Variants in KAT14 observed in about 807,000 individuals in gnomAD.
KAT14 encodes the protein cysteine-rich protein 2-binding protein.
A neutral mutation model predicts 78.4 loss-of-function variants in KAT14; 66 were observed. The ratio of observed to expected loss-of-function variants is 0.84; its 90% CI spans 0.69 to 1.03. The LOEUF (loss-of-function observed/expected upper bound fraction) is 1.03. Among genes scored for constraint, KAT14 ranks in the 50% least tolerant of loss-of-function variants. KAT14 has a pLI of 0.00. For synonymous variants in KAT14, 344 were observed against 359.4 expected (o/e 0.96, Z 0.48); for missense variants, 870 against 972.5 (o/e 0.89, Z 1.40).
At chr20:18,158,060 C>T (rs2038284561) in intron 4 of KAT14, among the ~76,000 whole-genome samples, 1 of 152,178 alleles carries the variant, frequency 6.6e-6, no homozygotes, top group African/African-American at 2.4e-5. Context: ...CCTCACCCTC[C>T]CGAGTAGCTG....
At position 18,187,297 on chromosome 20, in the gene KAT14, C is replaced by T. The variant is rs994748813; in HGVS notation, c.2184C>T (p.Gly728=). The change falls in exon 11 of 11, where the codon GGC becomes GGT. Residue 728 remains glycine, a synonymous_variant. Coordinates refer to ENST00000688188, the MANE Select transcript of KAT14 (RefSeq NM_001392073.1). ...CACTCTTTTGGCAGACCTGCATGGG[C>T]AAGGACGTAACCCTTCACGTCTCAG... ...MIYHLIQTCM[G]KDVTLHVSAS... The T allele has an allele frequency of 1.6e-5, 25 of 1,608,642 alleles. No individual in the cohort carries two copies. Among genetic ancestry groups the T allele is most frequent in the Non-Finnish European group, 2.1e-5 (25 of 1,178,614 alleles).
Position 18,142,201 on chromosome 20 carries a change from T to C in KAT14, c.-453-7T>C, listed in dbSNP as rs1163153483. ...ATGTTACTGAAATCTGTTTCTTACG[T>C]TTTTAGAGGCTTCGTGACGGAGTTA... is the stretch of plus-strand genomic sequence containing the variant. On this transcript the variant is annotated splice_polypyrimidine_tract_variant and splice_region_variant and intron_variant, in intron 1 of 10. Coordinates refer to ENST00000688188, the MANE Select transcript of KAT14 (RefSeq NM_001392073.1). 3 of 1,536,084 alleles carry C rather than the reference T, an allele frequency of 2.0e-6. No individual in the cohort carries two copies. The highest frequency in any genetic ancestry group is 2.6e-6 in the Non-Finnish European group (3 of 1,146,276).
chr20:18,159,215 C>T lies in KAT14; in HGVS notation c.632C>T (p.Thr211Met), dbSNP rs200313675. 1.9e-4 allele frequency: 308 copies of T among 1,613,946 alleles called. No homozygotes were observed. Among genetic ancestry groups the T allele is most frequent in the Non-Finnish European group, 2.0e-4 (239 of 1,179,976 alleles). Reference protein sequence around the residue: ...WWKLVHNKPPTMKPEGEKLSA... With the variant: ...WWKLVHNKPPMMKPEGEKLSA... ...AAACTTGTTCATAACAAGCCCCCAA[C>T]GATGAAACCTGAAGGAGAGAAGTTG... The change falls in exon 5 of 11, where the codon ACG becomes ATG. Residue 211 changes from threonine (T) to methionine (M), a missense_variant. By Grantham distance (81) the Thr-to-Met change is moderately conservative. Transcript: ENST00000688188.
rs778536358 is a variant in KAT14 at position 18,159,251 on chromosome 20, C to T, written c.668C>T (p.Thr223Ile). The change falls in exon 5 of 11, where the codon ACT becomes ATT. Residue 223 changes from threonine (T) to isoleucine (I), a missense_variant. Coordinates refer to ENST00000688188, the MANE Select transcript of KAT14 (RefSeq NM_001392073.1). ...GAAGGAGAGAAGTTGTCTGCCTCTA[C>T]TTTGAAAATAAAAGGTACTGTTGTG... Reference protein sequence around the residue: ...KPEGEKLSASTLKIKASKPTL... With the variant: ...KPEGEKLSASILKIKASKPTL... 5 of 1,613,914 alleles carry T rather than the reference C, an allele frequency of 3.1e-6. No homozygotes were observed. The South Asian group carries it at 5.5e-5, about 18-fold the overall frequency.
chr20:18,176,812 T>G (rs1183808360), intron 7 of KAT14, among the ~76,000 whole-genome samples: 1 of 152,186 alleles, frequency 6.6e-6, no homozygotes, highest in African/African-American at 2.4e-5. Context: ...GTCAGAGTTT[T>G]GATCAAGGGA....
chr20:18,157,275 G>T (rs1409544768), intron 4 of KAT14, among the ~76,000 whole-genome samples: 1 of 152,124 alleles, frequency 6.6e-6, no homozygotes. Flanking sequence ...GAGTGCAATG[G>T]CACAGTAATG....
At chr20:18,172,043 TCA>T (rs912286998) in intron 7 of KAT14, among the ~76,000 whole-genome samples, 54 of 152,162 alleles carry the variant, frequency 3.5e-4, no homozygotes, top group African/African-American at 1.2e-3. Flanking sequence ...TAAAATTAAG[TCA>T]CACATTTTTT....
chr20:18,182,131 T>A (rs1338335393), intron 8 of KAT14, among the ~76,000 whole-genome samples: 1 of 151,884 alleles, frequency 6.6e-6, no homozygotes, highest in African/African-American at 2.4e-5. Flanking sequence ...TTATTATTAT[T>A]TTTTTTTTGA....
Position 18,150,934 on chromosome 20 carries a change from AGGG to A in KAT14, c.493_495del (p.Gly165del). 1.9e-6 allele frequency: 3 copies of A among 1,614,072 alleles called. No individual in the cohort carries two copies. Among genetic ancestry groups the A allele is most frequent in the Non-Finnish European group, 2.5e-6 (3 of 1,179,912 alleles). ...TTGAGAAACATTGGACTTTTTTACT[AGGG>A]AATAGGTAATGTGTTTTTAAAAAAT... On this transcript the variant is annotated inframe_deletion, in exon 4 of 11. Coordinates refer to ENST00000688188, the MANE Select transcript of KAT14 (RefSeq NM_001392073.1).
chr20:18,151,277 A>T (rs963067605), intron 4 of KAT14, among the ~76,000 whole-genome samples: 3 of 151,844 alleles, frequency 2.0e-5, no homozygotes, highest in African/African-American at 7.3e-5. Flanking sequence ...GCACACTGCA[A>T]CCGCCACCTC....
chr20:18,158,957 G>T, intron 4 of KAT14, 127 bp from the exon 5 acceptor site: 1 of 1,175,844 alleles, frequency 8.5e-7, no homozygotes, highest in Non-Finnish European at 1.1e-6. Context: ...TGCCTCTCGT[G>T]CTCTGCTCCT....
In KAT14 at chr20:18,148,612, TG is replaced by T. The variant is rs758055774; in HGVS notation, c.379-2208del. Among the ~76,000 whole-genome samples, 15 of 150,174 alleles carry T rather than the reference TG, an allele frequency of 1.0e-4. 1 individual carries two copies. The highest frequency in any genetic ancestry group is 4.2e-4 in the South Asian group (2 of 4,760). On this transcript the variant is annotated intron_variant, in intron 3 of 10. Coordinates refer to ENST00000688188, the MANE Select transcript of KAT14 (RefSeq NM_001392073.1). ...AACTAAACTGGGGTTCATTTTTTTT[TG>T]TTTTTTTTTTTTTGAGATGGAGTTT...
chr20:18,178,919 A>G (rs113692700), intron 7 of KAT14, among the ~76,000 whole-genome samples: 4,236 of 152,252 alleles, frequency 0.028, 197 homozygotes, highest in African/African-American at 0.098. Context: ...TGTAAAATCA[A>G]AAGCAAGCTA....
chr20:18,145,304 G>A lies in KAT14; in HGVS notation c.331G>A (p.Ala111Thr). The A allele has an allele frequency of 6.2e-7, 1 of 1,614,192 alleles. No individual in the cohort carries two copies. Among genetic ancestry groups the A allele is most frequent in the Non-Finnish European group, 8.5e-7 (1 of 1,180,030 alleles). Residue 111 changes from alanine (A) to threonine (T), a missense_variant, in exon 3 of 11, where the codon GCA becomes ACA. By Grantham distance (58) the Ala-to-Thr change is moderately conservative (BLOSUM62 0). Transcript: ENST00000688188. ...TAGGTTTACTTGTTCGGATTGCTCA[G>A]CAGATGGCAAGGAGCAGTATGAAAG... ...FFRFTCSDCS[A>T]DGKEQYERLK... is the part of the protein sequence containing the mutation.
At chr20:18,137,320 G>A (rs117714272), upstream of KAT14, among the ~76,000 whole-genome samples, 9,077 of 144,198 alleles carry the variant, frequency 0.063, 362 homozygotes, top group Non-Finnish European at 0.096. Flanking sequence ...ATAATAATCC[G>A]AGCCTGACCA....
intron 7 of KAT14, among the ~76,000 whole-genome samples, chr20:18,177,909 T>C (rs1297752729): frequency 6.6e-6 from 1 of 152,148 alleles, no homozygotes; most frequent in Non-Finnish European, 1.5e-5. Flanking sequence ...ACATAAAATC[T>C]ACCAAGTCTG....
intron 7 of KAT14, among the ~76,000 whole-genome samples, chr20:18,167,092 G>A (rs996048023): frequency 2.6e-5 from 4 of 152,156 alleles, no homozygotes; most frequent in Admixed American, 2.6e-4. Flanking sequence ...CCTGGCTTCT[G>A]GGGGAGGGCA....
chr20:18,146,372 A>G (rs995296315), intron 3 of KAT14, among the ~76,000 whole-genome samples: 1 of 152,010 alleles, frequency 6.6e-6, no homozygotes, highest in Admixed American at 6.6e-5. Flanking sequence ...GACTCTATAA[A>G]AAACAGGCCA....
In KAT14 at chr20:18,187,921, G is replaced by A. The variant is rs79799548; in HGVS notation, c.*462G>A. ...ATAAAAGGAATCCAACCCTGTGCCC[G>A]GCCATTGATGTGTTGTCATTGAATC... is the stretch of plus-strand genomic sequence containing the variant. On this transcript the variant is annotated 3_prime_UTR_variant, in exon 11 of 11. Transcript: ENST00000688188. 39 of 160,116 alleles carry A rather than the reference G, an allele frequency of 2.4e-4. No individual in the cohort carries two copies. The South Asian group carries it at 2.8e-3, about 12-fold the overall frequency. The allele number at this position is 160,116 out of a possible 1,614,324, so 9.9% of individuals were successfully genotyped here. A position where few individuals can be genotyped will look rare whatever the true frequency, so the allele number is the denominator to read the frequency against.
Sources: allele counts gnomAD v4.1 joint callset (sites outside exome capture counted in the v4.1 genomes callset), GRCh38; gene constraint gnomAD v4.1.1; transcripts MANE v1.5; gene names NCBI Gene and HGNC (gene_info 2026-07-23, HGNC 2026-07-21).